CACNA2D3: variants seen among roughly 807,000 people sequenced by gnomAD.
CACNA2D3 encodes voltage-dependent calcium channel subunit alpha-2/delta-3.
In CACNA2D3, 60 loss-of-function variants were observed where a neutral mutation model predicts 160.6. That is an observed-to-expected ratio of 0.37 (90% CI 0.30 to 0.46). The LOEUF is 0.46. CACNA2D3 is among the 20% of genes least tolerant of loss of function. The probability of loss-of-function intolerance (pLI) is 1.00; values close to 1 mark genes in which losing one functional copy is unlikely to be tolerated. For synonymous variants in CACNA2D3, 558 were observed against 492.9 expected (o/e 1.13, Z -1.75); for missense variants, 1,205 against 1,365.0 (o/e 0.88, Z 1.85).
At chr3:54,879,189 A>G in intron 19 of CACNA2D3, 100 bp downstream of exon 19, 4 of 899,112 alleles carry the variant, frequency 4.4e-6, no homozygotes, top group East Asian at 2.6e-5. Context: ...TTTCGCTGAG[A>G]TCATTTTTCT....
intron 13 of CACNA2D3, among the ~76,000 whole-genome samples, chr3:54,779,823 A>C (rs1049386329): frequency 1.3e-5 from 2 of 152,230 alleles, no homozygotes; most frequent in Non-Finnish European, 2.9e-5. Flanking sequence ...ATGATCATTT[A>C]GAATTATCTT....
chr3:54,270,028 C>A lies in CACNA2D3; in HGVS notation c.205-50414C>A, dbSNP rs570428888. Among the ~76,000 whole-genome samples, 10 of 152,282 alleles carry A rather than the reference C, an allele frequency of 6.6e-5. No individual in the cohort carries two copies. The South Asian group carries it at 2.1e-3, about 32-fold the overall frequency. On this transcript the variant is annotated intron_variant, in intron 2 of 37. Coordinates refer to ENST00000474759, the MANE Select transcript of CACNA2D3 (RefSeq NM_018398.3). ...TGGCTTGTTGTACCAGAAGCTGAAG[C>A]AGCTAGTCTGGGTTTGAGCATGGAA...
chr3:54,870,975 G>A (rs1041822877), intron 17 of CACNA2D3, among the ~76,000 whole-genome samples: 4 of 151,556 alleles, frequency 2.6e-5, no homozygotes, highest in Non-Finnish European at 5.9e-5. Context: ...GATATGACTA[G>A]ATTCTTTGGT....
At chr3:54,344,290 G>A (rs1698417005) in intron 3 of CACNA2D3, among the ~76,000 whole-genome samples, 2 of 152,112 alleles carry the variant, frequency 1.3e-5, no homozygotes, top group African/African-American at 4.8e-5. Context: ...CTTCTGACTT[G>A]ATTATGAGTT....
intron 17 of CACNA2D3, among the ~76,000 whole-genome samples, chr3:54,865,391 G>A (rs1699377611): frequency 6.6e-6 from 1 of 152,228 alleles, no homozygotes; most frequent in Admixed American, 6.5e-5. Context: ...CTCTCTCAAA[G>A]TACTTAGATT....
chr3:55,028,607 C>T (rs1056323067), intron 35 of CACNA2D3, among the ~76,000 whole-genome samples: 1 of 152,120 alleles, frequency 6.6e-6, no homozygotes, highest in African/African-American at 2.4e-5. Context: ...TTCACAAAGA[C>T]TTGCTTAGAA....
chr3:54,581,923 C>G (rs1702684852), intron 9 of CACNA2D3, 46 bp downstream of exon 9: 1 of 1,497,080 alleles, frequency 6.7e-7, no homozygotes. Flanking sequence ...ACACCCCTGT[C>G]TCCCTCATAG....
chr3:54,141,690 A>G (rs1699938720), intron 2 of CACNA2D3, among the ~76,000 whole-genome samples: 1 of 152,252 alleles, frequency 6.6e-6, no homozygotes, highest in African/African-American at 2.4e-5. Flanking sequence ...AAATACATCA[A>G]TAACACATTC....
At chr3:55,045,989 G>C (rs568777373) in intron 35 of CACNA2D3, among the ~76,000 whole-genome samples, 1 of 151,046 alleles carries the variant, frequency 6.6e-6, no homozygotes, top group Non-Finnish European at 1.5e-5. Flanking sequence ...ATTGATTTGA[G>C]GACTTTCTTC....
intron 5 of CACNA2D3, among the ~76,000 whole-genome samples, chr3:54,541,278 G>GAAAAAAAAA (rs141900915): frequency 3.3e-3 from 273 of 81,628 alleles, no homozygotes; most frequent in African/African-American, 4.9e-3. Context: ...CTCCGTCTCA[G>GAAAAAAAAA]AAAAAAAAAA....
chr3:54,918,980 G>T, intron 27 of CACNA2D3: 2 of 1,066,654 alleles, frequency 1.9e-6, no homozygotes, highest in Non-Finnish European at 2.5e-6. Flanking sequence ...TAGGCAGATG[G>T]AATTTATGAA....
At chr3:54,926,017 C>T (rs1351335997) in intron 27 of CACNA2D3, among the ~76,000 whole-genome samples, 1 of 152,126 alleles carries the variant, frequency 6.6e-6, no homozygotes, top group Non-Finnish European at 1.5e-5. Context: ...GGTTATTGTA[C>T]TTCCTTGATT....
chr3:54,885,524 G>A lies in CACNA2D3; in HGVS notation c.1994G>A (p.Arg665His), dbSNP rs758578883. 8 of 1,613,550 alleles carry A rather than the reference G, an allele frequency of 5.0e-6. No homozygotes were observed. The highest frequency in any genetic ancestry group is 1.3e-5 in the African/African-American group (1 of 74,906). Residue 665 changes from arginine (R) to histidine (H), a missense_variant, in exon 23 of 38, where the codon CGC becomes CAC. This residue lies in a region of CACNA2D3 where 911 missense variants were observed against 1,002.2 expected (regional missense o/e 0.91). Coordinates refer to ENST00000474759, the MANE Select transcript of CACNA2D3 (RefSeq NM_018398.3). ...AACACTGACCTACACCCTGAGCACC[G>A]CCATCTGTCTCAGTTAGAAGCGATT... is the stretch of plus-strand genomic sequence containing the variant. ...YCNTDLHPEHRHLSQLEAIKL... is the reference protein window; with the variant it reads ...YCNTDLHPEHHHLSQLEAIKL...
intron 13 of CACNA2D3, among the ~76,000 whole-genome samples, chr3:54,810,625 T>C (rs1050547914): frequency 2.0e-5 from 3 of 152,238 alleles, no homozygotes; most frequent in African/African-American, 7.2e-5. Flanking sequence ...GGCCAGGCTT[T>C]TTTTGTTTTA....
At chr3:55,012,761 C>T (rs1011841880) in intron 34 of CACNA2D3, among the ~76,000 whole-genome samples, 12 of 151,994 alleles carry the variant, frequency 7.9e-5, no homozygotes, top group African/African-American at 2.9e-4. Flanking sequence ...AAGAAATATC[C>T]CACTCAAAGT....
chr3:54,844,062 A>T (rs1195797743), intron 16 of CACNA2D3, among the ~76,000 whole-genome samples: 1 of 152,106 alleles, frequency 6.6e-6, no homozygotes, highest in African/African-American at 2.4e-5. Context: ...ACTGCAGCTT[A>T]TTGAGGGAGA....
At chr3:54,143,690 G>C (rs554848628) in intron 2 of CACNA2D3, among the ~76,000 whole-genome samples, 1 of 146,320 alleles carries the variant, frequency 6.8e-6, no homozygotes, top group Non-Finnish European at 1.5e-5. Flanking sequence ...TAGTAGAGAC[G>C]GGGTTTCACT....
intron 27 of CACNA2D3, among the ~76,000 whole-genome samples, chr3:54,957,953 C>A (rs147242032): frequency 1.3e-5 from 2 of 152,290 alleles, no homozygotes; most frequent in Non-Finnish European, 2.9e-5. Flanking sequence ...GAGTCCAAAC[C>A]ACATGGATGG....
intron 2 of CACNA2D3, among the ~76,000 whole-genome samples, chr3:54,243,917 C>T (rs1412288950): frequency 6.6e-6 from 1 of 152,214 alleles, no homozygotes; most frequent in Non-Finnish European, 1.5e-5. Flanking sequence ...TCTGCAGACC[C>T]TTTCTGAATT....
Sources: gnomAD v4.1 joint callset for allele counts (sites outside exome capture counted in the v4.1 genomes callset) on GRCh38, gnomAD v4.1.1 for gene constraint, gnomAD v4.1.1 regional missense constraint, MANE v1.5 for transcripts, NCBI Gene and HGNC (gene_info 2026-07-23, HGNC 2026-07-21) for gene names.